Variants in ENPP3 observed in about 807,000 individuals in gnomAD.
ENPP3 encodes the protein ectonucleotide pyrophosphatase/phosphodiesterase family member 3.
ENPP3 carries 104 observed loss-of-function variants against 117.8 expected under a neutral mutation model. That is an observed-to-expected ratio of 0.88 (90% CI 0.75 to 1.04). The LOEUF is 1.04. Ranked by LOEUF, ENPP3 falls within the 50% of genes least tolerant of loss-of-function variation. ENPP3 has a pLI of 0.00. For missense variants in ENPP3, 1,026 were observed against 1,051.9 expected (o/e 0.98, Z 0.34); for synonymous variants, 380 against 349.9 (o/e 1.09, Z -0.96).
chr6:131,654,953 G>C (rs2114326132), intron 5 of ENPP3, among the ~76,000 whole-genome samples: 1 of 152,250 alleles, frequency 6.6e-6, no homozygotes, highest in East Asian at 1.9e-4. Flanking sequence ...ACTTCTCTGA[G>C]CTTCCTCTAT....
At chr6:131,746,007 G>A (rs2114592212) in intron 24 of ENPP3, among the ~76,000 whole-genome samples, 1 of 151,964 alleles carries the variant, frequency 6.6e-6, no homozygotes, top group African/African-American at 2.4e-5. Context: ...TGTAATCCCA[G>A]CTACTTGGGA....
In ENPP3 at chr6:131,726,074, A is replaced by G; in HGVS notation, c.1827A>G (p.Pro609=). ...CAGCAACAGTGAAAGTAAATTTGCC[A>G]TTTGGGAGGCCTAGGGTACTGCAGA... ...EITATVKVNL[P]FGRPRVLQKN... is the part of the protein sequence containing the mutation. The change falls in exon 20 of 25, where the codon CCA becomes CCG. Residue 609 remains proline (P), a synonymous_variant. Coordinates refer to ENST00000357639, the MANE Select transcript of ENPP3 (RefSeq NM_005021.5). The G allele has an allele frequency of 6.2e-7, 1 of 1,612,270 alleles. No homozygotes were observed. The highest frequency in any genetic ancestry group is 1.1e-5 in the South Asian group (1 of 90,900).
rs149876663 is a variant in ENPP3 at position 131,637,934 on chromosome 6, C to G, written c.78+472C>G. Among the ~76,000 whole-genome samples the G allele has an allele frequency of 6.3e-3, 954 of 151,848 alleles. 1 individual carries two copies. Among genetic ancestry groups the G allele is most frequent in the Non-Finnish European group, 0.01 (712 of 67,948 alleles). On this transcript the variant is annotated intron_variant, in intron 1 of 24. Coordinates refer to ENST00000357639, the MANE Select transcript of ENPP3 (RefSeq NM_005021.5). ...AAGATCTGCCACCCCCCCTCACCCC[C>G]CAAATAAATTTTCCTTGATTTTATT...
At chr6:131,674,112 C>A (rs1296826538) in intron 7 of ENPP3, 50 bp from the exon 8 acceptor site, 2 of 1,156,700 alleles carry the variant, frequency 1.7e-6, no homozygotes, top group East Asian at 2.6e-5. Flanking sequence ...ATTTAAATTT[C>A]TATTTTACTA....
intron 6 of ENPP3, among the ~76,000 whole-genome samples, chr6:131,663,252 A>T (rs1005841316): frequency 1.3e-5 from 2 of 151,478 alleles, no homozygotes; most frequent in African/African-American, 4.9e-5. Flanking sequence ...ATTGAATAGG[A>T]TGTTAGCTGT....
chr6:131,674,789 C>T (rs1021645811), intron 8 of ENPP3, among the ~76,000 whole-genome samples: 8 of 151,994 alleles, frequency 5.3e-5, no homozygotes, highest in Admixed American at 5.2e-4. Context: ...CCGGGATGAT[C>T]TCTATCTCCT....
At chr6:131,720,853 A>G (rs1458069908) in intron 17 of ENPP3, among the ~76,000 whole-genome samples, 5 of 152,166 alleles carry the variant, frequency 3.3e-5, no homozygotes, top group African/African-American at 1.2e-4. Flanking sequence ...TCAAAGTGCT[A>G]AGATTACGGG....
intron 14 of ENPP3, among the ~76,000 whole-genome samples, chr6:131,688,060 T>A (rs1032284112): frequency 6.6e-6 from 1 of 152,214 alleles, no homozygotes; most frequent in Non-Finnish European, 1.5e-5. Context: ...CATGTGTCTG[T>A]GTCACCTTTT....
chr6:131,643,212 C>T (rs186705508), intron 2 of ENPP3, among the ~76,000 whole-genome samples: 1 of 152,296 alleles, frequency 6.6e-6, no homozygotes, highest in East Asian at 1.9e-4. Context: ...GCCATAGTGC[C>T]AGTCCTTGAT....
chr6:131,639,265 A>ATATTTTTTT (rs371737976), intron 1 of ENPP3, among the ~76,000 whole-genome samples: 3 of 107,208 alleles, frequency 2.8e-5, no homozygotes, highest in African/African-American at 1.2e-4. Flanking sequence ...ATATATATAT[A>ATATTTTTTT]TTTTTTTTTT....
intron 3 of ENPP3, among the ~76,000 whole-genome samples, chr6:131,651,405 A>G (rs1186046620): frequency 6.6e-6 from 1 of 152,236 alleles, no homozygotes; most frequent in Non-Finnish European, 1.5e-5. Flanking sequence ...TTGAGGAATA[A>G]CAGGCTATGG....
At chr6:131,658,876 A>G (rs570495370) in intron 6 of ENPP3, among the ~76,000 whole-genome samples, 107 of 152,288 alleles carry the variant, frequency 7.0e-4, no homozygotes, top group Non-Finnish European at 1.3e-3. Flanking sequence ...CAAACTGCCT[A>G]CAACCTGACT....
chr6:131,721,586 A>C (rs984282037), intron 17 of ENPP3, among the ~76,000 whole-genome samples: 7 of 152,194 alleles, frequency 4.6e-5, no homozygotes, highest in Non-Finnish European at 1.0e-4. Flanking sequence ...GTATGTTTCT[A>C]TGAAACATAC....
chr6:131,712,711 C>T (rs1399494556), intron 15 of ENPP3, among the ~76,000 whole-genome samples: 5 of 143,364 alleles, frequency 3.5e-5, no homozygotes, highest in African/African-American at 1.4e-4. Flanking sequence ...CCATATGGTA[C>T]ATTGACCCCC....
intron 15 of ENPP3, among the ~76,000 whole-genome samples, chr6:131,695,141 A>G (rs1427224797): frequency 6.6e-6 from 1 of 152,096 alleles, no homozygotes; most frequent in Non-Finnish European, 1.5e-5. Context: ...TAAATATGTG[A>G]ACAAAATTAA....
At chr6:131,664,225 C>G (rs1778568209) in intron 6 of ENPP3, among the ~76,000 whole-genome samples, 1 of 152,018 alleles carries the variant, frequency 6.6e-6, no homozygotes, top group South Asian at 2.1e-4. Context: ...AGGTAGAAGA[C>G]AGTGATGTTG....
intron 15 of ENPP3, chr6:131,709,774 T>G: frequency 6.2e-7 from 1 of 1,613,908 alleles, no homozygotes; most frequent in African/African-American, 1.3e-5. Context: ...TCTAGAAAGC[T>G]TCTCTTCTTC....
At position 131,674,270 on chromosome 6, in the gene ENPP3, C is replaced by T; in HGVS notation, c.751C>T (p.His251Tyr). 1 of 1,613,690 alleles carries T rather than the reference C, an allele frequency of 6.2e-7. No individual in the cohort carries two copies. Among genetic ancestry groups the T allele is most frequent in the Non-Finnish European group, 8.5e-7 (1 of 1,179,710 alleles). Residue 251 changes from histidine (H) to tyrosine (Y), a missense_variant, in exon 8 of 25, where the codon CAT becomes TAT. Coordinates refer to ENST00000357639, the MANE Select transcript of ENPP3 (RefSeq NM_005021.5). ...GGAACAAAATAATCCAGCCTGGTGG[C>T]ATGGGCAACCAGTATGTAGCATTCT... ...SKEQNNPAWW[H>Y]GQPMWLTAMY...
At chr6:131,724,970 A>C (rs1259808041) in intron 19 of ENPP3, among the ~76,000 whole-genome samples, 1 of 151,222 alleles carries the variant, frequency 6.6e-6, no homozygotes, top group Middle Eastern at 3.2e-3. Context: ...GCACTTTGGG[A>C]GGCTGAGGCA....
Sources: gnomAD v4.1 joint callset for allele counts (sites outside exome capture counted in the v4.1 genomes callset) on GRCh38, gnomAD v4.1.1 for gene constraint, MANE v1.5 for transcripts, NCBI Gene and HGNC (gene_info 2026-07-23, HGNC 2026-07-21) for gene names.